RNF150: variants seen among roughly 807,000 people sequenced by gnomAD.
RNF150 encodes the protein ring finger protein 150.
RNF150 carries 24 observed loss-of-function variants against 39.3 expected under a neutral mutation model. That is an observed-to-expected ratio of 0.61 (90% CI 0.44 to 0.86). The LOEUF (loss-of-function observed/expected upper bound fraction) is 0.86, where lower values mean the gene tolerates loss of function less well. RNF150 is among the 40% of genes least tolerant of loss of function. RNF150 has a pLI of 0.00. For missense variants in RNF150, 502 were observed against 587.8 expected, an observed-to-expected ratio of 0.85 and a Z score of 1.51; for synonymous variants, 255 against 227.3, an observed-to-expected ratio of 1.12 and a Z score of -1.10.
chr4:141,003,609 G>A (rs1018948789), intron 1 of RNF150, among the ~76,000 whole-genome samples: 1 of 124,268 alleles, frequency 8.0e-6, no homozygotes, highest in African/African-American at 3.1e-5. Flanking sequence ...ACACACACAC[G>A]TGTGCACACT....
At chr4:140,962,691 C>T (rs560731911) in intron 2 of RNF150, among the ~76,000 whole-genome samples, 68 of 152,038 alleles carry the variant, frequency 4.5e-4, no homozygotes, top group African/African-American at 1.6e-3. Flanking sequence ...GGATATCATT[C>T]ATTGAGTGCT....
rs527776581 is a variant in RNF150, at chr4:140,875,721, G to T, written c.1199-7342C>A. On this transcript the variant is annotated intron_variant, in intron 6 of 6. Coordinates refer to ENST00000515673, the MANE Select transcript of RNF150 (RefSeq NM_020724.2). ...AACAGAATGGCTTGGTTTTGTTTGT[G>T]TTTTTTTTTAATGCATATTTTGGTT... Among the ~76,000 whole-genome samples the T allele has an allele frequency of 3.3e-5, 5 of 150,328 alleles. No individual in the cohort carries two copies. In the South Asian group the frequency reaches 1.1e-3, roughly 32 times the overall value.
At chr4:140,960,118 A>AGC (rs1491195524) in intron 2 of RNF150, among the ~76,000 whole-genome samples, 1 of 147,040 alleles carries the variant, frequency 6.8e-6, no homozygotes, top group African/African-American at 2.7e-5. Context: ...TTGATACTCT[A>AGC]GCCCTTTGGT....
rs1315032479 is a variant in RNF150, at chr4:141,053,736, G to A, written c.484+78589C>T. 7 of 1,362,632 alleles carry A rather than the reference G, an allele frequency of 5.1e-6. No individual in the cohort carries two copies. The Admixed American group carries it at 1.9e-4, about 38-fold the overall frequency. The allele number at this position is 1,362,632 out of a possible 1,614,324, so 84.4% of individuals were successfully genotyped here. A position where few individuals can be genotyped will look rare whatever the true frequency, so the allele number is the denominator to read the frequency against. On this transcript the variant is annotated intron_variant, in intron 1 of 6. Coordinates refer to ENST00000515673, the MANE Select transcript of RNF150 (RefSeq NM_020724.2). ...GGGCATGAGAAGACATTAAACCTGT[G>A]AACAACGATAAAAATGAAAAAGAAA...
intron 1 of RNF150, among the ~76,000 whole-genome samples, chr4:141,002,666 T>C (rs1734708763): frequency 6.6e-6 from 1 of 152,144 alleles, no homozygotes; most frequent in Non-Finnish European, 1.5e-5. Flanking sequence ...CCAAGAGACA[T>C]GACTATGACT....
chr4:141,108,481 A>G (rs939926095), intron 1 of RNF150, among the ~76,000 whole-genome samples: 3 of 152,186 alleles, frequency 2.0e-5, no homozygotes, highest in African/African-American at 7.2e-5. Context: ...AGTGCTTTAC[A>G]TACATTACCA....
intron 1 of RNF150, among the ~76,000 whole-genome samples, chr4:141,104,249 A>C (rs1483407064): frequency 6.6e-6 from 1 of 152,184 alleles, no homozygotes; most frequent in Non-Finnish European, 1.5e-5. Context: ...AATAGCTGAG[A>C]TCCCAAAAGG....
intron 1 of RNF150, among the ~76,000 whole-genome samples, chr4:141,156,269 A>C (rs1286469153): frequency 6.6e-6 from 1 of 152,060 alleles, no homozygotes; most frequent in Non-Finnish European, 1.5e-5. Context: ...ATGCATATGA[A>C]GATTATAGTA....
intron 1 of RNF150, among the ~76,000 whole-genome samples, chr4:141,063,037 C>T (rs942421836): frequency 1.3e-5 from 2 of 152,190 alleles, no homozygotes; most frequent in African/African-American, 4.8e-5. Context: ...CTTTGAACAA[C>T]ATGACATCTA....
intron 1 of RNF150, among the ~76,000 whole-genome samples, chr4:141,002,372 A>T (rs1263732680): frequency 6.6e-6 from 1 of 152,078 alleles, no homozygotes. Context: ...CTAAGAACAG[A>T]TCTATGATGT....
chr4:140,999,561 C>T (rs977544484), intron 1 of RNF150, among the ~76,000 whole-genome samples: 6 of 152,092 alleles, frequency 3.9e-5, no homozygotes, highest in African/African-American at 1.2e-4. Flanking sequence ...AAAGTTGGGG[C>T]ACATGGTTTC....
chr4:141,085,114 T>C (rs1738310770), intron 1 of RNF150, among the ~76,000 whole-genome samples: 1 of 152,192 alleles, frequency 6.6e-6, no homozygotes, highest in African/African-American at 2.4e-5. Flanking sequence ...CAGTTTCACA[T>C]GGCTGGAAAG....
At chr4:141,110,024 G>A (rs1739335949) in intron 1 of RNF150, among the ~76,000 whole-genome samples, 1 of 152,138 alleles carries the variant, frequency 6.6e-6, no homozygotes, top group South Asian at 2.1e-4. Flanking sequence ...TAAGGACCAG[G>A]ACAACAGGGA....
intron 6 of RNF150, among the ~76,000 whole-genome samples, chr4:140,903,334 A>C (rs1287791339): frequency 6.6e-6 from 1 of 151,992 alleles, no homozygotes; most frequent in Non-Finnish European, 1.5e-5. Context: ...GACTTACAGA[A>C]CCCTCAGACT....
At chr4:141,195,630 A>G (rs1370834535) in intron 1 of RNF150, among the ~76,000 whole-genome samples, 1 of 152,192 alleles carries the variant, frequency 6.6e-6, no homozygotes, top group Admixed American at 6.5e-5. Context: ...CCACAAGATA[A>G]TTAATTATAG....
rs1735594994 is a variant in RNF150, at chr4:141,023,876, TCATTTAA to T, written c.485-56010_485-56004del. On this transcript the variant is annotated intron_variant, in intron 1 of 6. Transcript: ENST00000515673. ...ATGCTTCATCCATACATTCAATCACTCATTTAACATGTATTAAACCTCAGTTTATAGC... is the reference window on the plus strand; with the variant it reads ...ATGCTTCATCCATACATTCAATCACTCATGTATTAAACCTCAGTTTATAGC... Among the ~76,000 whole-genome samples, 4 of 152,160 alleles carry T rather than the reference TCATTTAA, an allele frequency of 2.6e-5. No homozygotes were observed. In the South Asian group the frequency reaches 8.3e-4, roughly 32 times the overall value.
At chr4:140,996,244 A>G (rs1264969999) in intron 1 of RNF150, among the ~76,000 whole-genome samples, 1 of 152,120 alleles carries the variant, frequency 6.6e-6, no homozygotes, top group Non-Finnish European at 1.5e-5. Flanking sequence ...TGAGCATTTT[A>G]TCATATACCT....
At chr4:141,063,969 G>T (rs1578685733) in intron 1 of RNF150, among the ~76,000 whole-genome samples, 1 of 102,466 alleles carries the variant, frequency 9.8e-6, no homozygotes, top group African/African-American at 3.8e-5. Flanking sequence ...ATTTTGTAAT[G>T]AATCAACGAC....
chr4:141,059,345 C>T (rs1370898160), intron 1 of RNF150, among the ~76,000 whole-genome samples: 1 of 152,064 alleles, frequency 6.6e-6, no homozygotes, highest in East Asian at 1.9e-4. Flanking sequence ...TGCATCATAT[C>T]CACAGTCTAA....
Sources: allele counts gnomAD v4.1 joint callset (sites outside exome capture counted in the v4.1 genomes callset), GRCh38; gene constraint gnomAD v4.1.1; transcripts MANE v1.5; gene names NCBI Gene and HGNC (gene_info 2026-07-23, HGNC 2026-07-21).